Variants in COL4A6 observed in about 807,000 individuals in gnomAD.
COL4A6 encodes collagen type IV alpha 6 chain.
COL4A6 carries 59 observed loss-of-function variants against 126.7 expected under a neutral mutation model. That is an observed-to-expected ratio of 0.47 (90% CI 0.38 to 0.58). COL4A6 has a LOEUF of 0.58. Among genes scored for constraint, COL4A6 ranks in the 20% least tolerant of loss-of-function variants. The pLI is 0.00. For missense variants in COL4A6, 1,285 were observed against 1,337.3 expected (o/e 0.96, Z 0.61); for synonymous variants, 547 against 496.6 (o/e 1.10, Z -1.35).
intron 20 of COL4A6, among the ~76,000 whole-genome samples, chrX:108,189,093 C>A (rs892959232): frequency 1.5e-4 from 17 of 112,391 alleles, no homozygotes; most frequent in Non-Finnish European, 2.4e-4. Flanking sequence ...AGCAAAGCAC[C>A]TTTGAAGAGG....
At chrX:108,399,301 A>G (rs1256592397) in intron 2 of COL4A6, among the ~76,000 whole-genome samples, 2 of 111,670 alleles carry the variant, frequency 1.8e-5, no homozygotes, top group East Asian at 2.8e-4. Context: ...TCAATGTACT[A>G]TGTTAGATTC....
rs192124996 is a variant in COL4A6, at chrX:108,428,171, A to G, written c.63+9771T>C. Among the ~76,000 whole-genome samples the G allele has an allele frequency of 2.7e-4, 25 of 92,464 alleles. No homozygotes were observed. The East Asian group carries it at 9.0e-3, about 33-fold the overall frequency. The allele number at this position is 92,464 out of a possible 115,157, so 80.3% of individuals were successfully genotyped here. On this transcript the variant is annotated intron_variant, in intron 2 of 44. Coordinates refer to ENST00000334504, the MANE Select transcript of COL4A6 (RefSeq NM_033641.4). ...TAATACTAACAATAGCTAATGAGCT[A>G]AAAAAAAAAAGCAAATATATCTCGT...
intron 2 of COL4A6, among the ~76,000 whole-genome samples, chrX:108,389,575 T>A (rs1283071919): frequency 9.0e-6 from 1 of 111,173 alleles, no homozygotes; most frequent in Non-Finnish European, 1.9e-5. Context: ...GCTTTCCATT[T>A]GCTTGGTAAA....
intron 3 of COL4A6, among the ~76,000 whole-genome samples, chrX:108,298,176 G>A (rs374882964): frequency 5.2e-4 from 58 of 111,507 alleles, no homozygotes; most frequent in African/African-American, 1.7e-3. Context: ...AAATACTTTT[G>A]TTGGGGGGAA....
At chrX:108,182,092 T>C (rs186397989) in intron 23 of COL4A6, among the ~76,000 whole-genome samples, 8 of 112,386 alleles carry the variant, frequency 7.1e-5, no homozygotes, top group African/African-American at 2.3e-4. Flanking sequence ...GGTTAACAAG[T>C]TGGGCTCTGA....
intron 2 of COL4A6, among the ~76,000 whole-genome samples, chrX:108,324,171 G>A (rs939552565): frequency 1.8e-4 from 20 of 112,180 alleles, no homozygotes; most frequent in African/African-American, 5.8e-4. Flanking sequence ...ACTGTGTCCC[G>A]TTAGAAATAT....
At chrX:108,180,874 C>T (rs372422430) in intron 24 of COL4A6, 23 bp downstream of exon 24, 2 of 1,193,391 alleles carry the variant, frequency 1.7e-6, no homozygotes, top group East Asian at 5.9e-5. Context: ...TGTTTAGTGG[C>T]TTTCTCTGGC....
At chrX:108,304,962 A>G (rs1231541722) in intron 3 of COL4A6, among the ~76,000 whole-genome samples, 1 of 112,030 alleles carries the variant, frequency 8.9e-6, no homozygotes, top group Non-Finnish European at 1.9e-5. Flanking sequence ...CCTATGCAAA[A>G]TTGCTTGGTC....
At chrX:108,266,875 G>T (rs1416890840) in intron 3 of COL4A6, among the ~76,000 whole-genome samples, 1 of 111,541 alleles carries the variant, frequency 9.0e-6, no homozygotes, top group South Asian at 3.8e-4. Context: ...GGGATTTAGG[G>T]ATAGGATTTT....
At chrX:108,409,240 T>G in intron 2 of COL4A6, among the ~76,000 whole-genome samples, 1 of 112,043 alleles carries the variant, frequency 8.9e-6, no homozygotes, top group Middle Eastern at 4.6e-3. Flanking sequence ...TAGAAGTAAC[T>G]TAGCCTGAGT....
intron 2 of COL4A6, among the ~76,000 whole-genome samples, chrX:108,317,370 T>C (rs1001632887): frequency 1.8e-5 from 2 of 111,834 alleles, no homozygotes; most frequent in Non-Finnish European, 3.8e-5. Context: ...GATATTCAAA[T>C]GGAGGAGTTG....
At chrX:108,311,405 A>T (rs1418725806) in intron 2 of COL4A6, among the ~76,000 whole-genome samples, 1 of 109,947 alleles carries the variant, frequency 9.1e-6, no homozygotes, top group Non-Finnish European at 1.9e-5. Context: ...CTCTAACTTC[A>T]TTTTTGCCTC....
chrX:108,405,196 TTTTTG>T, intron 2 of COL4A6, among the ~76,000 whole-genome samples: 1 of 109,823 alleles, frequency 9.1e-6, no homozygotes, highest in East Asian at 2.8e-4. Flanking sequence ...TTTGTTTTTG[TTTTTG>T]TTTTTTTTTT....
intron 2 of COL4A6, among the ~76,000 whole-genome samples, chrX:108,392,193 A>T (rs1402371121): frequency 8.9e-6 from 1 of 111,994 alleles, no homozygotes; most frequent in African/African-American, 3.2e-5. Flanking sequence ...AATATTTAGG[A>T]CCTCAAATTT....
chrX:108,406,424 G>T (rs966720860), intron 2 of COL4A6, among the ~76,000 whole-genome samples: 7 of 112,160 alleles, frequency 6.2e-5, no homozygotes, highest in African/African-American at 2.3e-4. Context: ...TCTTCTAGTA[G>T]ATCACTATCA....
At position 108,156,881 on chromosome X, in the gene COL4A6, C is replaced by T. The variant is rs1645662299; in HGVS notation, c.*119G>A. On this transcript the variant is annotated 3_prime_UTR_variant, in exon 45 of 45. Coordinates refer to ENST00000334504, the MANE Select transcript of COL4A6 (RefSeq NM_033641.4). ...CCGGTAGTCTAGCCCAAATGAGACT[C>T]CAATGTACAACTTGACAGGCAAAGG... is the stretch of plus-strand genomic sequence containing the variant. 7 of 769,434 alleles carry T rather than the reference C, an allele frequency of 9.1e-6. No individual in the cohort carries two copies. The highest frequency in any genetic ancestry group is 1.2e-5 in the Non-Finnish European group (6 of 518,859). The allele number at this position is 769,434 out of a possible 1,213,427, so 63.4% of individuals were successfully genotyped here.
intron 13 of COL4A6, among the ~76,000 whole-genome samples, chrX:108,197,857 T>C (rs1293277085): frequency 9.1e-5 from 10 of 110,121 alleles, no homozygotes; most frequent in Non-Finnish European, 7.6e-5. Context: ...ACCTGTTCTC[T>C]TTTCTGCATT....
chrX:108,259,070 T>A (rs1237019227), intron 3 of COL4A6, among the ~76,000 whole-genome samples: 1 of 111,536 alleles, frequency 9.0e-6, no homozygotes, highest in Non-Finnish European at 1.9e-5. Context: ...AATTATTAGG[T>A]GGAGAACAAC....
At chrX:108,277,321 C>T (rs942440826) in intron 3 of COL4A6, among the ~76,000 whole-genome samples, 15 of 111,924 alleles carry the variant, frequency 1.3e-4, no homozygotes, top group Non-Finnish European at 2.1e-4. Flanking sequence ...TAAAAAACGG[C>T]GCACCAGGAG....
Sources: allele counts gnomAD v4.1 joint callset (sites outside exome capture counted in the v4.1 genomes callset), GRCh38; gene constraint gnomAD v4.1.1; transcripts MANE v1.5; gene names NCBI Gene and HGNC (gene_info 2026-07-23, HGNC 2026-07-21).